Variants in MAF observed in about 807,000 individuals in gnomAD.
MAF encodes MAF bZIP transcription factor, also known as transcription factor Maf.
MAF carries 10 observed loss-of-function variants against 22.0 expected under a neutral mutation model. The observed-to-expected ratio is 0.45, with a 90% CI of 0.28 to 0.77. The LOEUF (loss-of-function observed/expected upper bound fraction) is 0.77. Among genes scored for constraint, MAF ranks in the 30% least tolerant of loss-of-function variants. MAF has a pLI of 0.12. For synonymous variants in MAF, 337 were observed against 255.8 expected (o/e 1.32, Z -3.03); for missense variants, 544 against 548.4 (o/e 0.99, Z 0.08).
At chr16:79,517,587 TTTTTTGA>T in the MAF span, among the ~76,000 whole-genome samples, 1 of 96,916 alleles carries the variant, frequency 1.0e-5, no homozygotes, top group East Asian at 3.5e-4. Flanking sequence ...TTTTTTTTTT[TTTTTTGA>T]GATGGAGTCT....
the MAF span, among the ~76,000 whole-genome samples, chr16:79,531,913 T>C: frequency 6.6e-6 from 1 of 152,068 alleles, no homozygotes; most frequent in Non-Finnish European, 1.5e-5. Flanking sequence ...TCCTATTAAC[T>C]GTGCTTAGTG....
chr16:79,371,918 T>G, the MAF span, among the ~76,000 whole-genome samples: 1 of 152,262 alleles, frequency 6.6e-6, no homozygotes, highest in Non-Finnish European at 1.5e-5. Context: ...CTCCCAAGCT[T>G]CGCTTTTTCT....
At chr16:79,329,746 C>G in the MAF span, among the ~76,000 whole-genome samples, 2 of 152,128 alleles carry the variant, frequency 1.3e-5, no homozygotes, top group African/African-American at 4.8e-5. Context: ...CTGTACTATT[C>G]TTATTGATCT....
chr16:79,586,070 T>C, intron 1 of MAF: 1 of 533,424 alleles, frequency 1.9e-6, no homozygotes, highest in South Asian at 2.9e-5. Flanking sequence ...AGAAGAGTGA[T>C]TTTGTTCCAT....
the MAF span, among the ~76,000 whole-genome samples, chr16:79,431,807 C>T: frequency 6.6e-6 from 1 of 152,142 alleles, no homozygotes; most frequent in Non-Finnish European, 1.5e-5. Flanking sequence ...GGAAAGGGAT[C>T]CTGAGAGGGA....
the MAF span, among the ~76,000 whole-genome samples, chr16:79,484,208 G>A: frequency 1.3e-5 from 2 of 152,184 alleles, no homozygotes; most frequent in Non-Finnish European, 2.9e-5. Context: ...TCAGAACCAA[G>A]GCAACCGTCC....
At chr16:79,483,610 A>ACAGACAAC in the MAF span, among the ~76,000 whole-genome samples, 3 of 152,032 alleles carry the variant, frequency 2.0e-5, no homozygotes, top group African/African-American at 7.2e-5. Flanking sequence ...TGAGAATGAG[A>ACAGACAAC]ATAAGTATGT....
At chr16:79,310,784 AAAAG>A in the MAF span, among the ~76,000 whole-genome samples, 3 of 152,192 alleles carry the variant, frequency 2.0e-5, no homozygotes, top group African/African-American at 4.8e-5. Context: ...TCCTGCTGCT[AAAAG>A]GAAAATTACT....
the MAF span, among the ~76,000 whole-genome samples, chr16:79,530,559 G>A: frequency 6.6e-6 from 1 of 152,162 alleles, no homozygotes; most frequent in South Asian, 2.1e-4. Context: ...GTGTTTCCAG[G>A]CATTTACATA....
chr16:79,255,982 C>CTTTTTT, the MAF span, among the ~76,000 whole-genome samples: 14 of 99,696 alleles, frequency 1.4e-4, no homozygotes, highest in South Asian at 9.4e-4. Context: ...CTTTTCTTTT[C>CTTTTTT]TTTTTTTTTT....
At chr16:79,257,761 C>G in the MAF span, among the ~76,000 whole-genome samples, 1 of 152,132 alleles carries the variant, frequency 6.6e-6, no homozygotes, top group Non-Finnish European at 1.5e-5. Flanking sequence ...TAAGTGTGAG[C>G]TAGAATCATG....
At chr16:79,528,565 C>G in the MAF span, among the ~76,000 whole-genome samples, 1 of 151,960 alleles carries the variant, frequency 6.6e-6, no homozygotes, top group Non-Finnish European at 1.5e-5. Flanking sequence ...TAGGCTCAGC[C>G]CTGGTGAATG....
the MAF span, among the ~76,000 whole-genome samples, chr16:79,557,454 C>T: frequency 0.022 from 3,274 of 152,106 alleles, 57 homozygotes; most frequent in Middle Eastern, 0.061. Flanking sequence ...ATAGAGTCAG[C>T]CCAAATGCAG....
chr16:79,382,680 T>A, the MAF span, among the ~76,000 whole-genome samples: 1 of 152,206 alleles, frequency 6.6e-6, no homozygotes, highest in African/African-American at 2.4e-5. Context: ...CAAACACTAG[T>A]AACATGTCTG....
the MAF span, among the ~76,000 whole-genome samples, chr16:79,381,707 A>C: frequency 2.6e-5 from 4 of 152,178 alleles, no homozygotes; most frequent in Middle Eastern, 3.4e-3. Context: ...CTTCTCTTGG[A>C]GAGATTCCTT....
the MAF span, among the ~76,000 whole-genome samples, chr16:79,478,453 A>G: frequency 2.6e-5 from 4 of 152,268 alleles, no homozygotes; most frequent in Non-Finnish European, 2.9e-5. Context: ...CCGGGTTCCA[A>G]CAGAGAAGAA....
the MAF span, among the ~76,000 whole-genome samples, chr16:79,319,806 A>G: frequency 6.6e-6 from 1 of 152,222 alleles, no homozygotes; most frequent in Non-Finnish European, 1.5e-5. Flanking sequence ...TGAGGGAGAG[A>G]AACAATGACC....
chr16:79,399,540 T>C, the MAF span, among the ~76,000 whole-genome samples: 9 of 152,172 alleles, frequency 5.9e-5, no homozygotes, highest in Admixed American at 2.6e-4. Context: ...CTGACACCAA[T>C]TCCTTGGGTT....
the MAF span, among the ~76,000 whole-genome samples, chr16:79,543,521 C>T: frequency 1.3e-5 from 2 of 152,180 alleles, no homozygotes; most frequent in Admixed American, 6.5e-5. Context: ...TTTCCAAAGC[C>T]TTTGCGGGCA....
Sources: gnomAD v4.1 joint callset for allele counts (sites outside exome capture counted in the v4.1 genomes callset) on GRCh38, gnomAD v4.1.1 for gene constraint, MANE v1.5 for transcripts, NCBI Gene and HGNC (gene_info 2026-07-23, HGNC 2026-07-21) for gene names.